The following DIAPH3 variants were observed in gnomAD, a reference collection of about 807,000 sequenced individuals.
The protein encoded by DIAPH3 is diaphanous related formin 3.
DIAPH3 carries 117 observed loss-of-function variants against 144.3 expected under a neutral mutation model. The observed-to-expected ratio is 0.81, with a 90% CI of 0.70 to 0.95. The LOEUF is 0.95. Ranked by LOEUF, DIAPH3 falls within the 40% of genes least tolerant of loss-of-function variation. The pLI is 0.00. For synonymous variants in DIAPH3, 519 were observed against 488.9 expected (o/e 1.06, Z -0.81); for missense variants, 1,421 against 1,412.7 (o/e 1.01, Z -0.09).
chr13:60,042,998 T>C (rs1760451078), intron 4 of DIAPH3, among the ~76,000 whole-genome samples, 178 bp from the exon 5 acceptor site: 2 of 152,342 alleles, frequency 1.3e-5, no homozygotes, highest in South Asian at 4.1e-4. Flanking sequence ...TAATGTGTGG[T>C]ATCCACAAAA....
intron 20 of DIAPH3, among the ~76,000 whole-genome samples, chr13:59,880,281 A>G (rs927684133): frequency 2.0e-5 from 3 of 152,200 alleles, no homozygotes; most frequent in African/African-American, 7.2e-5. Context: ...CATACCACAT[A>G]TGAAGCTAGA....
intron 17 of DIAPH3, among the ~76,000 whole-genome samples, chr13:59,960,129 G>A (rs1245498142): frequency 6.6e-6 from 1 of 152,142 alleles, no homozygotes; most frequent in South Asian, 2.1e-4. Flanking sequence ...GATTTGGGGG[G>A]CTATAAGTCA....
Position 59,794,355 on chromosome 13 carries a change from T to C in DIAPH3, c.3163+16433A>G, listed in dbSNP as rs77224213. ...CTCAGTGAATGGCACCACCTACTCA[T>C]GTCAAAACACTATGAGTCCTTTTTA... On this transcript the variant is annotated intron_variant, in intron 25 of 27. Coordinates refer to ENST00000400324, the MANE Select transcript of DIAPH3 (RefSeq NM_001042517.2). Among the ~76,000 whole-genome samples, 65 of 152,322 alleles carry C rather than the reference T, an allele frequency of 4.3e-4. No individual in the cohort carries two copies. In the East Asian group the frequency reaches 0.013, roughly 29 times the overall value.
At chr13:60,013,429 A>G (rs2053415380) in intron 7 of DIAPH3, 2 of 155,456 alleles carry the variant, frequency 1.3e-5, no homozygotes, top group Non-Finnish European at 2.8e-5. Context: ...TCAGAAGCAA[A>G]GCACCCGCAC....
chr13:59,966,469 G>A (rs115454260), intron 17 of DIAPH3, among the ~76,000 whole-genome samples: 33 of 151,914 alleles, frequency 2.2e-4, no homozygotes, highest in African/African-American at 8.0e-4. Context: ...ATAATATGAA[G>A]AGAACCCAGC....
At chr13:59,837,192 T>C (rs1186643468) in intron 23 of DIAPH3, among the ~76,000 whole-genome samples, 1 of 152,046 alleles carries the variant, frequency 6.6e-6, no homozygotes, top group Non-Finnish European at 1.5e-5. Flanking sequence ...ATCAGTTCAT[T>C]AGAGGCTTCT....
At chr13:60,037,654 C>G (rs7328231) in intron 5 of DIAPH3, among the ~76,000 whole-genome samples, 9,821 of 151,654 alleles carry the variant, frequency 0.065, 464 homozygotes, top group East Asian at 0.28. Flanking sequence ...AAGGAAGAAG[C>G]AGAAAGAAGA....
chr13:60,030,342 A>G (rs1283806492), intron 5 of DIAPH3, among the ~76,000 whole-genome samples: 1 of 152,052 alleles, frequency 6.6e-6, no homozygotes, highest in Non-Finnish European at 1.5e-5. Context: ...TAAGAGCTTT[A>G]TTCTTTCACA....
intron 7 of DIAPH3, chr13:60,012,914 G>C (rs1320813151): frequency 1.2e-6 from 1 of 822,994 alleles, no homozygotes; most frequent in African/African-American, 1.9e-5. Flanking sequence ...TTTAAGACTG[G>C]AATGAGGCCA....
intron 22 of DIAPH3, among the ~76,000 whole-genome samples, chr13:59,846,395 G>A (rs2042634075): frequency 6.6e-6 from 1 of 152,052 alleles, no homozygotes; most frequent in Admixed American, 6.6e-5. Context: ...TATTACCATA[G>A]ACAATTTAAA....
Position 60,042,676 on chromosome 13 carries a change from AATAG to A in DIAPH3, c.626+10_626+13del. On this transcript the variant is annotated intron_variant, in intron 5 of 27. Transcript: ENST00000400324. ...ATGACATCTGCCCTGTTGGTGTTCA[AATAG>A]ATGAATTACCTCACAGGATTGCTGG... 2 of 1,613,396 alleles carry A rather than the reference AATAG, an allele frequency of 1.2e-6. No homozygotes were observed. The highest frequency in any genetic ancestry group is 1.7e-6 in the Non-Finnish European group (2 of 1,179,520).
intron 22 of DIAPH3, among the ~76,000 whole-genome samples, chr13:59,856,705 G>A (rs979405743): frequency 2.6e-5 from 4 of 152,100 alleles, no homozygotes; most frequent in African/African-American, 7.2e-5. Flanking sequence ...ACATACTGAG[G>A]TTTAGGGCTT....
chr13:60,137,737 ATTGAC>A (rs2059323058), intron 1 of DIAPH3, among the ~76,000 whole-genome samples: 1 of 146,282 alleles, frequency 6.8e-6, no homozygotes. Flanking sequence ...TTCCATTAAA[ATTGAC>A]TTTTTTTTTT....
At chr13:60,146,502 G>A (rs545117421) in intron 1 of DIAPH3, among the ~76,000 whole-genome samples, 1 of 152,290 alleles carries the variant, frequency 6.6e-6, no homozygotes, top group East Asian at 1.9e-4. Flanking sequence ...TGGGGAATTT[G>A]GAGAGAGAAA....
intron 22 of DIAPH3, among the ~76,000 whole-genome samples, chr13:59,859,158 G>A (rs1244953968): frequency 2.0e-5 from 3 of 151,974 alleles, no homozygotes; most frequent in Admixed American, 6.6e-5. Flanking sequence ...AAAAAGTTAT[G>A]CTTAACAATC....
At chr13:59,765,299 C>T (rs1250271115) in intron 27 of DIAPH3, among the ~76,000 whole-genome samples, 1 of 152,108 alleles carries the variant, frequency 6.6e-6, no homozygotes, top group East Asian at 1.9e-4. Context: ...CAATAACTTT[C>T]TATTGGCAAA....
chr13:59,944,345 G>A (rs2048694001), intron 17 of DIAPH3, among the ~76,000 whole-genome samples: 2 of 152,138 alleles, frequency 1.3e-5, no homozygotes, highest in Non-Finnish European at 2.9e-5. Flanking sequence ...GACAAAACTG[G>A]AATGCATTCC....
At chr13:59,720,973 T>C (rs1349201661) in intron 27 of DIAPH3, among the ~76,000 whole-genome samples, 1 of 152,202 alleles carries the variant, frequency 6.6e-6, no homozygotes, top group Admixed American at 6.5e-5. Context: ...GAATTTAGCC[T>C]AATTTCCATG....
intron 20 of DIAPH3, among the ~76,000 whole-genome samples, chr13:59,880,177 A>T (rs1303155055): frequency 6.6e-6 from 1 of 152,144 alleles, no homozygotes; most frequent in Non-Finnish European, 1.5e-5. Flanking sequence ...GGAGGTGTCT[A>T]AAAGAACAAA....
Sources: allele counts gnomAD v4.1 joint callset (sites outside exome capture counted in the v4.1 genomes callset), GRCh38; gene constraint gnomAD v4.1.1; transcripts MANE v1.5; gene names NCBI Gene and HGNC (gene_info 2026-07-23, HGNC 2026-07-21).